Variants in BIRC6 observed in about 807,000 individuals in gnomAD.
The protein encoded by BIRC6 is dual E2 ubiquitin-conjugating enzyme/E3 ubiquitin-protein ligase BIRC6.
Under a neutral mutation model 503.3 loss-of-function variants are expected in BIRC6, and 98 were observed. That is an observed-to-expected ratio of 0.19 (90% CI 0.17 to 0.23). BIRC6 has a LOEUF of 0.23. Ranked by LOEUF, BIRC6 falls within the 10% of genes least tolerant of loss-of-function variation. The pLI is 1.00. For synonymous variants in BIRC6, 2,240 were observed against 2,078.7 expected (o/e 1.08, Z -2.11); for missense variants, 5,360 against 5,806.0 (o/e 0.92, Z 2.50).
intron 66 of BIRC6, among the ~76,000 whole-genome samples, chr2:32,577,340 A>G (rs963357960): frequency 3.9e-5 from 6 of 152,146 alleles, no homozygotes; most frequent in Admixed American, 3.3e-4. Flanking sequence ...CTGTTAGCTT[A>G]TAACTAAAAT....
intron 8 of BIRC6, among the ~76,000 whole-genome samples, chr2:32,402,693 A>C (rs1227734828): frequency 1.3e-5 from 2 of 152,164 alleles, no homozygotes; most frequent in Non-Finnish European, 2.9e-5. Flanking sequence ...CTGTTGTCTG[A>C]GTTTCTGACC....
intron 8 of BIRC6, among the ~76,000 whole-genome samples, chr2:32,402,318 A>G (rs1317137254): frequency 6.6e-6 from 1 of 152,168 alleles, no homozygotes; most frequent in Non-Finnish European, 1.5e-5. Flanking sequence ...GTGGAGGGGA[A>G]GAAGATTGTG....
At chr2:32,583,630 T>C (rs1277492824) in intron 66 of BIRC6, among the ~76,000 whole-genome samples, 1 of 152,226 alleles carries the variant, frequency 6.6e-6, no homozygotes, top group Non-Finnish European at 1.5e-5. Context: ...TCTTCAGAAA[T>C]TAAAGGTGTT....
chr2:32,395,283 G>A (rs1369474030), intron 5 of BIRC6, among the ~76,000 whole-genome samples: 4 of 152,110 alleles, frequency 2.6e-5, no homozygotes, highest in African/African-American at 9.7e-5. Context: ...GCATATATGT[G>A]TACCTCTCTT....
rs1489166999 is a variant in BIRC6, at chr2:32,547,862, A to G, written c.12823A>G (p.Ser4275Gly). 1.9e-6 allele frequency: 3 copies of G among 1,571,942 alleles called. No individual in the cohort carries two copies. The highest frequency in any genetic ancestry group is 2.6e-6 in the Non-Finnish European group (3 of 1,164,892). Residue 4275 changes from serine (S) to glycine (G), a missense_variant, in exon 64 of 74, where the codon AGC (serine) becomes GGC (glycine). Physicochemically the swap from Ser to Gly is moderately conservative, Grantham distance 56. This residue lies in a region of BIRC6 where 477 missense variants were observed against 574.4 expected (regional missense o/e 0.83). Transcript: ENST00000421745. ...SVNQTEPQVS[S>G]SHNPTSTEEQ... ...TTGTTATTTTAAGCCACAGGTGTCAAGCTCTCATAACCCTACATCAACAGA... is the reference window on the plus strand; with the variant it reads ...TTGTTATTTTAAGCCACAGGTGTCAGGCTCTCATAACCCTACATCAACAGA...
At chr2:32,425,455 G>A (rs1452313051) in intron 10 of BIRC6, among the ~76,000 whole-genome samples, 2 of 124,384 alleles carry the variant, frequency 1.6e-5, no homozygotes, top group African/African-American at 6.2e-5. Context: ...TTTTTCTCCT[G>A]TAAATGGGCC....
chr2:32,423,583 G>GACA (rs2043165245), intron 10 of BIRC6, among the ~76,000 whole-genome samples: 1 of 152,012 alleles, frequency 6.6e-6, no homozygotes, highest in East Asian at 1.9e-4. Flanking sequence ...CTTTCACTCA[G>GACA]CATATTTTTT....
chr2:32,433,111 AGTTC>A (rs2044321576), intron 12 of BIRC6, among the ~76,000 whole-genome samples: 1 of 152,214 alleles, frequency 6.6e-6, no homozygotes, highest in Non-Finnish European at 1.5e-5. Flanking sequence ...TTTTGGCCTG[AGTTC>A]ACTGAAAAAT....
intron 45 of BIRC6, among the ~76,000 whole-genome samples, chr2:32,496,777 T>C (rs1489314750): frequency 2.6e-5 from 4 of 152,172 alleles, no homozygotes; most frequent in African/African-American, 9.7e-5. Context: ...GTAGATCAGT[T>C]TGGGCAGATG....
intron 66 of BIRC6, among the ~76,000 whole-genome samples, chr2:32,582,361 T>C (rs2060731677): frequency 6.6e-6 from 1 of 152,118 alleles, no homozygotes; most frequent in Admixed American, 6.5e-5. Flanking sequence ...TTAGTTGAGT[T>C]GCCTTGTACA....
intron 5 of BIRC6, among the ~76,000 whole-genome samples, chr2:32,393,598 C>T (rs1478415888): frequency 6.6e-6 from 1 of 152,194 alleles, no homozygotes; most frequent in Non-Finnish European, 1.5e-5. Context: ...TGTGCCACAG[C>T]TCACTGCAGC....
chr2:32,597,801 G>C lies in BIRC6; in HGVS notation c.13663G>C (p.Val4555Leu), dbSNP rs776926933. Reference sequence around the variant, plus strand: ...TGAAGATGGGAAATTGGGATTTAAAGTAAATTACCACTACATGTCTCAGGT... The same window carrying C: ...TGAAGATGGGAAATTGGGATTTAAACTAAATTACCACTACATGTCTCAGGT... ...EDEDGKLGFKVNYHYMSQVKN... is the reference protein window; with the variant it reads ...EDEDGKLGFKLNYHYMSQVKN... The change falls in exon 69 of 74, where the codon GTA becomes CTA. Residue 4555 changes from valine to leucine, a missense_variant. Transcript: ENST00000421745. 1.2e-6 allele frequency: 2 copies of C among 1,613,714 alleles called. No homozygotes were observed. Among genetic ancestry groups the C allele is most frequent in the Non-Finnish European group, 1.7e-6 (2 of 1,179,698 alleles).
In BIRC6 at chr2:32,509,895, G is replaced by T. The variant is rs375517125; in HGVS notation, c.10138G>T (p.Val3380Phe). Residue 3380 changes from valine (V) to phenylalanine (F), a missense_variant, in exon 52 of 74, where the codon GTT becomes TTT. Around this residue, in one of 16 missense-constraint regions of BIRC6, gnomAD observed 878 missense variants for 928.9 expected, o/e 0.95. Coordinates refer to ENST00000421745, the MANE Select transcript of BIRC6 (RefSeq NM_016252.4). ...YCGMHSPNIEVVLVKIGLQST... is the reference protein window; with the variant it reads ...YCGMHSPNIEFVLVKIGLQST... Reference sequence around the variant, plus strand: ...TGGAATGCATTCACCCAACATCGAGGTTGTGCTTGTAAAGATAGGACTGCA... The same window carrying T: ...TGGAATGCATTCACCCAACATCGAGTTTGTGCTTGTAAAGATAGGACTGCA... 1 of 1,613,858 alleles carries T rather than the reference G, an allele frequency of 6.2e-7. No homozygotes were observed. The highest frequency in any genetic ancestry group is 1.3e-5 in the African/African-American group (1 of 74,904).
chr2:32,465,185 A>ATTT (rs374940577), intron 26 of BIRC6, 21 bp downstream of exon 26: 1,391 of 845,662 alleles, frequency 1.6e-3, no homozygotes, highest in African/African-American at 5.9e-3. Context: ...ACTTTCTTAA[A>ATTT]TTTTTTTTTT....
At chr2:32,470,018 C>G in intron 30 of BIRC6, 150 bp from the exon 31 acceptor site, 2 of 673,832 alleles carry the variant, frequency 3.0e-6, no homozygotes, top group Non-Finnish European at 4.3e-6. Flanking sequence ...CCTCCAGATA[C>G]AAATCTTGCT....
At position 32,481,722 on chromosome 2, in the gene BIRC6, T is replaced by C. The variant is rs535616302; in HGVS notation, c.7542+269T>C. 7.3e-5 allele frequency among the ~76,000 whole-genome samples: 11 copies of C among 151,372 alleles called. No homozygotes were observed. In the South Asian group the frequency reaches 1.3e-3, roughly 17 times the overall value. ...TGGAGCTTGGAGTGAGCCAAGATCA[T>C]GCCACTGCACTCCAGCCTGGGTGAC... On this transcript the variant is annotated intron_variant, in intron 38 of 73. Transcript: ENST00000421745.
intron 1 of BIRC6, among the ~76,000 whole-genome samples, chr2:32,372,712 C>T (rs2036157329): frequency 6.6e-6 from 1 of 151,984 alleles, no homozygotes; most frequent in Non-Finnish European, 1.5e-5. Context: ...CGCCTGTAGT[C>T]CCAGCTACTT....
intron 71 of BIRC6, 120 bp downstream of exon 71, chr2:32,603,203 A>G: frequency 1.5e-6 from 1 of 651,686 alleles, no homozygotes; most frequent in Non-Finnish European, 2.5e-6. Flanking sequence ...TTACTAGGAA[A>G]TGCATATTAA....
Position 32,459,076 on chromosome 2 carries a change from T to C in BIRC6, c.4754-4118T>C, listed in dbSNP as rs149245509. 7.4e-3 allele frequency among the ~76,000 whole-genome samples: 1,131 copies of C among 152,272 alleles called. 8 individuals carry two copies. The highest frequency in any genetic ancestry group is 0.014 in the Middle Eastern group (4 of 294). ...GTTCTTTTTAGGTAGGTTTTAAAAATTGATTTTCTAATTTTTTTTTAAAAT... is the reference window on the plus strand; with the variant it reads ...GTTCTTTTTAGGTAGGTTTTAAAAACTGATTTTCTAATTTTTTTTTAAAAT... On this transcript the variant is annotated intron_variant, in intron 23 of 73. Transcript: ENST00000421745.
Sources: gnomAD v4.1 joint callset for allele counts (sites outside exome capture counted in the v4.1 genomes callset) on GRCh38, gnomAD v4.1.1 for gene constraint, gnomAD v4.1.1 regional missense constraint, MANE v1.5 for transcripts, NCBI Gene and HGNC (gene_info 2026-07-23, HGNC 2026-07-21) for gene names.